Variants in GNAI1 observed in about 807,000 individuals in gnomAD.
GNAI1 encodes G protein subunit alpha i1, also known as guanine nucleotide-binding protein G(i) subunit alpha-1.
Under a neutral mutation model 38.9 loss-of-function variants are expected in GNAI1, and 11 were observed. That is an observed-to-expected ratio of 0.28 (90% CI 0.18 to 0.47). The LOEUF is 0.47. Ranked by LOEUF, GNAI1 falls within the 20% of genes least tolerant of loss-of-function variation. GNAI1 has a pLI of 0.99. For synonymous variants in GNAI1, 166 were observed against 145.1 expected (o/e 1.14, Z -1.04); for missense variants, 317 against 436.9 (o/e 0.73, Z 2.45).
chr7:80,163,845 A>T (rs1379170963), intron 1 of GNAI1, among the ~76,000 whole-genome samples: 3 of 152,050 alleles, frequency 2.0e-5, no homozygotes, highest in African/African-American at 7.2e-5. Context: ...AGCATCACTG[A>T]GATTACACTG....
chr7:80,152,368 A>G (rs578143514), intron 1 of GNAI1, among the ~76,000 whole-genome samples: 1 of 152,212 alleles, frequency 6.6e-6, no homozygotes, highest in African/African-American at 2.4e-5. Flanking sequence ...ATTATATCTT[A>G]TGTTGCAAGA....
chr7:80,216,345 A>G (rs1006960946), intron 7 of GNAI1, among the ~76,000 whole-genome samples: 5 of 151,964 alleles, frequency 3.3e-5, no homozygotes, highest in Admixed American at 6.6e-5. Flanking sequence ...ACATAACACA[A>G]TCACAACCCA....
intron 6 of GNAI1, among the ~76,000 whole-genome samples, chr7:80,211,859 G>C (rs10248135): frequency 0.092 from 13,951 of 152,176 alleles, 816 homozygotes; most frequent in South Asian, 0.2. Flanking sequence ...TTACAAAGTG[G>C]GGGAAAAAGT....
chr7:80,143,919 T>C (rs566898893), intron 1 of GNAI1, among the ~76,000 whole-genome samples: 111 of 49,232 alleles, frequency 2.3e-3, no homozygotes, highest in Non-Finnish European at 3.2e-3. Flanking sequence ...TGTGTGTGTG[T>C]GTGCGCGCGT....
rs1221033431 is a variant in GNAI1, at chr7:80,220,932, C to T, written c.*3439C>T. 6.6e-6 allele frequency among the ~76,000 whole-genome samples: 1 copy of T among 152,130 alleles called. No individual in the cohort carries two copies. The highest frequency in any genetic ancestry group is 1.5e-5 in the Non-Finnish European group (1 of 68,030). On this transcript the variant is annotated 3_prime_UTR_variant, in exon 8 of 8. Coordinates refer to ENST00000649796, the MANE Select transcript of GNAI1 (RefSeq NM_002069.6). ...TTTTTCAGATTTAAAAAAGGAGATA[C>T]TTATTAATGTCTTTCATCAGAGCTA...
At chr7:80,164,300 C>G (rs112226554) in intron 1 of GNAI1, among the ~76,000 whole-genome samples, 440 of 151,534 alleles carry the variant, frequency 2.9e-3, no homozygotes, top group African/African-American at 0.01. Context: ...CTCGGCCTCC[C>G]AAAGTGCTGG....
At chr7:80,209,528 A>G (rs1788837840) in intron 5 of GNAI1, among the ~76,000 whole-genome samples, 1 of 152,214 alleles carries the variant, frequency 6.6e-6, no homozygotes, top group Non-Finnish European at 1.5e-5. Flanking sequence ...AGCAACATCT[A>G]AATAAGTGTT....
chr7:80,157,650 G>T (rs556033047), intron 1 of GNAI1, among the ~76,000 whole-genome samples: 6 of 152,134 alleles, frequency 3.9e-5, no homozygotes, highest in Non-Finnish European at 8.8e-5. Flanking sequence ...ATGTGTAGTG[G>T]TATCTCATTG....
chr7:80,199,587 C>A (rs1788643482), intron 4 of GNAI1, among the ~76,000 whole-genome samples: 1 of 152,016 alleles, frequency 6.6e-6, no homozygotes, highest in Non-Finnish European at 1.5e-5. Context: ...TCAATAGTGT[C>A]TCAAGAGACT....
At chr7:80,167,429 C>T (rs1428960076) in intron 1 of GNAI1, among the ~76,000 whole-genome samples, 2 of 152,152 alleles carry the variant, frequency 1.3e-5, no homozygotes, top group African/African-American at 4.8e-5. Flanking sequence ...TATTTTACTT[C>T]ACCTGGAGTA....
chr7:80,211,934 A>G (rs1288442870), intron 6 of GNAI1, among the ~76,000 whole-genome samples: 2 of 152,142 alleles, frequency 1.3e-5, no homozygotes, highest in Admixed American at 6.6e-5. Context: ...GTCCACATAT[A>G]TGAAAATTTT....
chr7:80,194,286 A>G (rs1788531004), intron 3 of GNAI1, among the ~76,000 whole-genome samples: 1 of 152,016 alleles, frequency 6.6e-6, no homozygotes, highest in African/African-American at 2.4e-5. Flanking sequence ...TTATTTTTCT[A>G]TGTGGCTTGT....
intron 1 of GNAI1, among the ~76,000 whole-genome samples, chr7:80,136,255 G>A (rs1334437896): frequency 1.3e-5 from 2 of 152,200 alleles, no homozygotes; most frequent in Admixed American, 1.3e-4. Flanking sequence ...TTGTTTGCAT[G>A]TTTTCTTCTC....
chr7:80,158,505 G>A (rs1015596384), intron 1 of GNAI1, among the ~76,000 whole-genome samples: 5 of 152,048 alleles, frequency 3.3e-5, no homozygotes, highest in African/African-American at 9.7e-5. Flanking sequence ...TCTTACGATC[G>A]TGATTTCACA....
intron 1 of GNAI1, among the ~76,000 whole-genome samples, chr7:80,163,174 A>C (rs1364738311): frequency 1.3e-5 from 2 of 152,178 alleles, no homozygotes; most frequent in Non-Finnish European, 2.9e-5. Flanking sequence ...TGAAGGTTTT[A>C]CATGTTTGAA....
rs1789098287 is a variant in GNAI1 at position 80,222,523 on chromosome 7, G to A, written c.*5030G>A. On this transcript the variant is annotated 3_prime_UTR_variant, in exon 8 of 8. Transcript: ENST00000649796. ...CTGCCTCAGGTTCCCGAGTAGCTGG[G>A]ATTACAGGCATGCGACACTACACCC... 6.6e-6 allele frequency among the ~76,000 whole-genome samples: 1 copy of A among 151,740 alleles called. No homozygotes were observed.
chr7:80,148,824 C>A (rs1170009258), intron 1 of GNAI1, among the ~76,000 whole-genome samples: 1 of 151,932 alleles, frequency 6.6e-6, no homozygotes, highest in Admixed American at 6.6e-5. Flanking sequence ...ACTAATATCT[C>A]CAGTTTATTT....
At chr7:80,151,034 A>C (rs1397149850) in intron 1 of GNAI1, among the ~76,000 whole-genome samples, 2 of 152,132 alleles carry the variant, frequency 1.3e-5, no homozygotes, top group Admixed American at 6.6e-5. Flanking sequence ...TGTTCTCTTC[A>C]TTAGCATGGA....
chr7:80,168,380 TTTTATTTA>T (rs368253290), intron 1 of GNAI1, among the ~76,000 whole-genome samples: 1 of 152,150 alleles, frequency 6.6e-6, no homozygotes, highest in East Asian at 1.9e-4. Context: ...ATTTTAATTA[TTTTATTTA>T]TTTATTTATT....
Sources: allele counts gnomAD v4.1 joint callset (sites outside exome capture counted in the v4.1 genomes callset), GRCh38; gene constraint gnomAD v4.1.1; transcripts MANE v1.5; gene names NCBI Gene and HGNC (gene_info 2026-07-23, HGNC 2026-07-21).